NFASC: variants seen among roughly 807,000 people sequenced by gnomAD.
NFASC encodes neurofascin homolog.
NFASC carries 43 observed loss-of-function variants against 147.5 expected under a neutral mutation model. The observed-to-expected ratio is 0.29, with a 90% CI of 0.23 to 0.38. NFASC has a LOEUF of 0.38. Among genes scored for constraint, NFASC ranks in the 10% least tolerant of loss-of-function variants. The probability of loss-of-function intolerance (pLI) is 1.00; values close to 1 mark genes in which losing one functional copy is unlikely to be tolerated. For missense variants in NFASC, 1,320 were observed against 1,689.0 expected (o/e 0.78, Z 3.83); for synonymous variants, 622 against 665.5 (o/e 0.93, Z 1.01).
intron 1 of NFASC, among the ~76,000 whole-genome samples, chr1:204,843,630 C>CCTTCCTTCCTTCCTT (rs1279123956): frequency 5.2e-5 from 2 of 38,616 alleles, no homozygotes; most frequent in Admixed American, 2.7e-4. Flanking sequence ...CTTCCTTCCT[C>CCTTCCTTCCTTCCTT]CCTCCCTCCC....
intron 1 of NFASC, among the ~76,000 whole-genome samples, chr1:204,877,007 TATATATATATATATATATATA>T (rs2078960012): frequency 9.1e-6 from 1 of 109,978 alleles, no homozygotes; most frequent in South Asian, 2.5e-4. Flanking sequence ...TATATATATA[TATATATATATATATATATATA>T]ATATATATTT....
At chr1:204,861,087 T>G (rs2076624750) in intron 1 of NFASC, among the ~76,000 whole-genome samples, 3 of 137,174 alleles carry the variant, frequency 2.2e-5, no homozygotes, top group African/African-American at 8.5e-5. Flanking sequence ...CCTTTTTTTT[T>G]TTTTTTTTTT....
intron 7 of NFASC, among the ~76,000 whole-genome samples, chr1:204,955,757 C>T (rs2094396455): frequency 6.6e-6 from 1 of 152,152 alleles, no homozygotes; most frequent in Admixed American, 6.5e-5. Flanking sequence ...CTCCTCTCCC[C>T]CTCCTTCCAT....
chr1:204,849,017 A>T (rs1189944062), intron 1 of NFASC, among the ~76,000 whole-genome samples: 1 of 152,220 alleles, frequency 6.6e-6, no homozygotes, highest in African/African-American at 2.4e-5. Flanking sequence ...GTCCCTGGGG[A>T]CACCAGTTGG....
rs758701595 is a variant in NFASC, at chr1:204,981,948, C to T, written c.2398C>T (p.Arg800Ter). 1.2e-6 allele frequency: 2 copies of T among 1,607,782 alleles called. No homozygotes were observed. The highest frequency in any genetic ancestry group is 1.7e-6 in the Non-Finnish European group (2 of 1,177,178). The change falls in exon 21 of 30, where the codon CGA becomes TGA. Residue 800 changes from arginine to a stop codon, truncating the protein, a stop_gained. Coordinates refer to ENST00000339876, the MANE Select transcript of NFASC (RefSeq NM_001005388.3). LOFTEE classifies it high-confidence loss of function. ...QTPVYVPYEIRVQAENDFGKG... is the reference protein window; with the variant it reads ...QTPVYVPYEI ...CCCAGTCTACGTGCCCTATGAGATC[C>T]GAGTCCAGGCTGAAAATGACTTCGG...
rs367890497 is a variant in NFASC at position 204,967,117 on chromosome 1, C to T, written c.707-1132C>T. 1.0e-3 allele frequency among the ~76,000 whole-genome samples: 157 copies of T among 152,344 alleles called. No homozygotes were observed. In the Middle Eastern group the frequency reaches 0.02, roughly 20 times the overall value. The stretch of plus-strand genomic sequence containing the variant: ...CTCCCAGCTCCTGGCAGCTCTGCCT[C>T]CCCTCCACCTTTCCCTTGTCCTGCT... On this transcript the variant is annotated intron_variant, in intron 8 of 29. Coordinates refer to ENST00000339876, the MANE Select transcript of NFASC (RefSeq NM_001005388.3).
intron 3 of NFASC, among the ~76,000 whole-genome samples, chr1:204,948,889 A>G (rs1399198775): frequency 1.3e-5 from 2 of 152,232 alleles, no homozygotes; most frequent in East Asian, 3.9e-4. Context: ...AGCGGGTCCC[A>G]GTGACAGCCC....
intron 1 of NFASC, among the ~76,000 whole-genome samples, chr1:204,910,444 AT>A (rs1027223847): frequency 1.3e-5 from 2 of 151,154 alleles, no homozygotes; most frequent in South Asian, 2.1e-4. Flanking sequence ...ATTAGGTTTA[AT>A]TTTTTTTTAA....
rs114263399 is a variant in NFASC at position 205,017,516 on chromosome 1, A to G, written c.*977A>G. 5.8e-3 allele frequency: 885 copies of G among 152,880 alleles called. 8 individuals are homozygous for G. The highest frequency in any genetic ancestry group is 0.047 in the Middle Eastern group (14 of 296). The allele number at this position is 152,880 out of a possible 1,614,324, so 9.5% of individuals were successfully genotyped here. A position where few individuals can be genotyped will look rare whatever the true frequency, so the allele number is the denominator to read the frequency against. ...TCATGCCTCCTCACTGGTGAAACCC[A>G]GGATGTAGATAGAGGGCCACACCCA... On this transcript the variant is annotated 3_prime_UTR_variant, in exon 30 of 30. Transcript: ENST00000339876.
chr1:204,909,445 G>A (rs1036101792), intron 1 of NFASC, among the ~76,000 whole-genome samples: 5 of 152,050 alleles, frequency 3.3e-5, no homozygotes, highest in African/African-American at 1.2e-4. Context: ...GTTCTAGTTG[G>A]ATTATTTGTG....
intron 1 of NFASC, among the ~76,000 whole-genome samples, chr1:204,868,380 C>T (rs996968224): frequency 2.6e-5 from 4 of 152,170 alleles, no homozygotes; most frequent in Non-Finnish European, 5.9e-5. Context: ...GGAGCACGAC[C>T]TGGCTGCCCT....
rs190373927 is a variant in NFASC at position 205,003,569 on chromosome 1, G to A, written c.3289+821G>A. Among the ~76,000 whole-genome samples, 372 of 152,270 alleles carry A rather than the reference G, an allele frequency of 2.4e-3. 2 individuals are homozygous for A. Among genetic ancestry groups the A allele is most frequent in the Admixed American group, 6.2e-3 (95 of 15,300 alleles). On this transcript the variant is annotated intron_variant, in intron 27 of 29. Transcript: ENST00000339876. Reference sequence around the variant, plus strand: ...CAGCCGAGCAGGCTGCCAAGTGGCCGGTATGCTAAGCCCTGGGGCTAAGGG... The same window carrying A: ...CAGCCGAGCAGGCTGCCAAGTGGCCAGTATGCTAAGCCCTGGGGCTAAGGG...
chr1:204,958,341 T>C (rs2094517082), intron 8 of NFASC, among the ~76,000 whole-genome samples: 1 of 152,210 alleles, frequency 6.6e-6, no homozygotes, highest in Non-Finnish European at 1.5e-5. Context: ...TTTTATTTGA[T>C]TCTGTAATAT....
In NFASC at chr1:204,830,755, C is replaced by A. The variant is rs76447281; in HGVS notation, c.-200+1973C>A. ...GTTGCCACTGTGGAACAGGGAATGG[C>A]AGCCCGATTCCTGTCTTAGGGGCTT... On this transcript the variant is annotated intron_variant, in intron 1 of 29. Transcript: ENST00000339876. Among the ~76,000 whole-genome samples, 1,225 of 152,304 alleles carry A rather than the reference C, an allele frequency of 8.0e-3. 15 individuals are homozygous for A. Among genetic ancestry groups the A allele is most frequent in the African/African-American group, 0.028 (1,157 of 41,558 alleles).
At chr1:204,893,261 T>C (rs919480715) in intron 1 of NFASC, among the ~76,000 whole-genome samples, 1 of 152,176 alleles carries the variant, frequency 6.6e-6, no homozygotes, top group Non-Finnish European at 1.5e-5. Flanking sequence ...AATATGTTGT[T>C]TTTAAGGTCC....
In NFASC at chr1:204,974,771, C is replaced by G. The variant is rs1223449959; in HGVS notation, c.1506C>G (p.Val502=). 6.2e-7 allele frequency: 1 copy of G among 1,614,232 alleles called. No homozygotes were observed. The highest frequency in any genetic ancestry group is 8.5e-7 in the Non-Finnish European group (1 of 1,180,038). Reference sequence around the variant, plus strand: ...AGGACCAGGGCATCTACACCTGTGTCGCCACCAACATCCTGGGCAAAGCTG... The same window carrying G: ...AGGACCAGGGCATCTACACCTGTGTGGCCACCAACATCCTGGGCAAAGCTG... The part of the protein sequence containing the change: ...RKEDQGIYTC[V]ATNILGKAEN... Residue 502 remains valine (V), a synonymous_variant, in exon 14 of 30, where the codon GTC becomes GTG. Coordinates refer to ENST00000339876, the MANE Select transcript of NFASC (RefSeq NM_001005388.3).
intron 2 of NFASC, among the ~76,000 whole-genome samples, chr1:204,936,906 C>T (rs2802813): frequency 0.8 from 122,262 of 152,210 alleles, 49,834 homozygotes; most frequent in Middle Eastern, 0.87. Context: ...CTTGTCCTTG[C>T]GCCCTCCAAG....
chr1:204,966,183 C>A (rs2150192200), intron 8 of NFASC, among the ~76,000 whole-genome samples: 1 of 152,134 alleles, frequency 6.6e-6, no homozygotes, highest in East Asian at 1.9e-4. Context: ...ATTGCTGTAA[C>A]CTCTTTATAG....
chr1:204,854,076 C>G (rs2075934750), intron 1 of NFASC, among the ~76,000 whole-genome samples: 1 of 152,138 alleles, frequency 6.6e-6, no homozygotes, highest in South Asian at 2.1e-4. Flanking sequence ...ACTAGGCTGC[C>G]CATTCCCCAC....
Sources: gnomAD v4.1 joint callset for allele counts (sites outside exome capture counted in the v4.1 genomes callset) on GRCh38, gnomAD v4.1.1 for gene constraint, MANE v1.5 for transcripts, NCBI Gene and HGNC (gene_info 2026-07-23, HGNC 2026-07-21) for gene names.